Variants in NMT1 observed in about 807,000 individuals in gnomAD.
NMT1 encodes N-myristoyltransferase 1, also known as glycylpeptide N-tetradecanoyltransferase 1.
Under a neutral mutation model 63.4 loss-of-function variants are expected in NMT1, and 12 were observed. The observed-to-expected ratio is 0.19, with a 90% CI of 0.12 to 0.31. The LOEUF is 0.31. NMT1 is among the 10% of genes least tolerant of loss of function. The pLI is 1.00. For missense variants in NMT1, 432 were observed against 634.6 expected (o/e 0.68, Z 3.43); for synonymous variants, 228 against 234.3 (o/e 0.97, Z 0.25).
chr17:45,063,143 T>G, intron 1 of NMT1, among the ~76,000 whole-genome samples: 1 of 145,300 alleles, frequency 6.9e-6, no homozygotes, highest in South Asian at 2.1e-4. Flanking sequence ...AGGCAGAGCT[T>G]GCAGTGAGCT....
At chr17:45,062,293 T>G (rs2053868928) in intron 1 of NMT1, among the ~76,000 whole-genome samples, 1 of 152,238 alleles carries the variant, frequency 6.6e-6, no homozygotes, top group Non-Finnish European at 1.5e-5. Flanking sequence ...TTTACTTCTG[T>G]AAGCCACAGC....
intron 1 of NMT1, among the ~76,000 whole-genome samples, chr17:45,079,994 G>C (rs991494106): frequency 6.6e-6 from 1 of 151,810 alleles, no homozygotes; most frequent in Non-Finnish European, 1.5e-5. Context: ...CACTGCGCCC[G>C]GCCACATGTT....
At chr17:45,067,890 G>A (rs1384094442) in intron 1 of NMT1, among the ~76,000 whole-genome samples, 1 of 152,218 alleles carries the variant, frequency 6.6e-6, no homozygotes, top group East Asian at 1.9e-4. Flanking sequence ...TCATGGCACA[G>A]CAGTTTTGCT....
Position 45,103,192 on chromosome 17 carries a change from C to G in NMT1, c.1164+71C>G. Reference sequence around the variant, plus strand: ...AGGCACCCCCCTGAGTGGCCGGGTTCCCAGGGCTCGAGTGTTGGCACCTTA... The same window carrying G: ...AGGCACCCCCCTGAGTGGCCGGGTTGCCAGGGCTCGAGTGTTGGCACCTTA... On this transcript the variant is annotated intron_variant, in intron 9 of 11. Coordinates refer to ENST00000258960, the MANE Select transcript of NMT1 (RefSeq NM_021079.5). This position sits in a 1 kb window ranked among gnomAD's most constrained non-coding sequence, Gnocchi z 4.8. 1 of 1,476,032 alleles carries G rather than the reference C, an allele frequency of 6.8e-7. No homozygotes were observed. The highest frequency in any genetic ancestry group is 9.3e-7 in the Non-Finnish European group (1 of 1,074,272). 91.4% of individuals were successfully genotyped at this position (1,476,032 alleles called of 1,614,324 possible).
intron 2 of NMT1, chr17:45,083,737 C>T (rs2106354): frequency 0.39 from 59,913 of 151,744 alleles, 12,457 homozygotes; most frequent in Non-Finnish European, 0.44. Context: ...CTCAGCCTCC[C>T]GAGTAGCCAG....
At chr17:45,070,213 T>A (rs1342668249) in intron 1 of NMT1, among the ~76,000 whole-genome samples, 6 of 152,134 alleles carry the variant, frequency 3.9e-5, no homozygotes, top group African/African-American at 1.4e-4. Context: ...TCCCTTTTTA[T>A]AACCTGCTGT....
intron 4 of NMT1, 50 bp downstream of exon 4, chr17:45,093,853 A>G (rs751211421): frequency 6.9e-7 from 1 of 1,446,366 alleles, no homozygotes; most frequent in Non-Finnish European, 9.7e-7. Context: ...CCACTTTCAC[A>G]GTAAGCCCTG....
intron 1 of NMT1, among the ~76,000 whole-genome samples, chr17:45,073,600 TTAC>T (rs2053957096): frequency 6.6e-6 from 1 of 152,220 alleles, no homozygotes; most frequent in South Asian, 2.1e-4. Flanking sequence ...ACTTTCCTCA[TTAC>T]TTCTAATGCT....
chr17:45,067,862 A>G (rs941062982), intron 1 of NMT1, among the ~76,000 whole-genome samples: 11 of 152,222 alleles, frequency 7.2e-5, no homozygotes, highest in Non-Finnish European at 1.6e-4. Context: ...ATGAGAGCCT[A>G]TTTCAGGGAC....
chr17:45,067,936 A>T (rs2053913290), intron 1 of NMT1, among the ~76,000 whole-genome samples: 1 of 152,212 alleles, frequency 6.6e-6, no homozygotes, highest in African/African-American at 2.4e-5. Context: ...TGCTCACGCT[A>T]AAATTCCCCA....
chr17:45,093,066 G>A (rs1223091937), intron 3 of NMT1, among the ~76,000 whole-genome samples: 1 of 152,224 alleles, frequency 6.6e-6, no homozygotes, highest in Non-Finnish European at 1.5e-5. Context: ...TCAGGGAGGG[G>A]ATGTTGTGTC....
intron 1 of NMT1, among the ~76,000 whole-genome samples, chr17:45,065,296 A>G (rs41484746): frequency 0.064 from 9,674 of 152,112 alleles, 385 homozygotes; most frequent in Middle Eastern, 0.099. Context: ...TCCCCAAATA[A>G]TTCTCATTGT....
At position 45,069,826 on chromosome 17, in the gene NMT1, G is replaced by A. The variant is rs570432850; in HGVS notation, c.131+8366G>A. ...TGATAGACAAATATTATTTTCAGAAGTCATTCTAATCGCACCACTGCACTC... is the reference window on the plus strand; with the variant it reads ...TGATAGACAAATATTATTTTCAGAAATCATTCTAATCGCACCACTGCACTC... On this transcript the variant is annotated intron_variant, in intron 1 of 11. Transcript: ENST00000258960. Among the ~76,000 whole-genome samples, 468 of 150,074 alleles carry A rather than the reference G, an allele frequency of 3.1e-3. 2 individuals carry two copies. The highest frequency in any genetic ancestry group is 0.014 in the Middle Eastern group (4 of 290).
At chr17:45,079,746 C>T (rs532554384) in intron 1 of NMT1, among the ~76,000 whole-genome samples, 1 of 152,300 alleles carries the variant, frequency 6.6e-6, no homozygotes, top group Admixed American at 6.5e-5. Flanking sequence ...GTCGCCCAGG[C>T]TGGAGTGCAG....
At chr17:45,070,055 C>T (rs774400527) in intron 1 of NMT1, among the ~76,000 whole-genome samples, 1 of 152,092 alleles carries the variant, frequency 6.6e-6, no homozygotes, top group African/African-American at 2.4e-5. Flanking sequence ...TGTCTCATTC[C>T]GGTTTTAAGG....
chr17:45,096,106 C>G, intron 4 of NMT1, 88 bp from the exon 5 acceptor site: 1 of 961,850 alleles, frequency 1.0e-6, no homozygotes, highest in Admixed American at 1.9e-5. Context: ...TTTGCTTCAT[C>G]CTTCTGAAAA....
rs1406322662 is a variant in NMT1, at chr17:45,107,247, A to G, written c.*1608A>G. On this transcript the variant is annotated 3_prime_UTR_variant, in exon 12 of 12. Transcript: ENST00000258960. ...AGAGGCTAATTCTGCAGAGTTTCCAAAACCAGAAGACATCGTATGCTTGGG... is the reference window on the plus strand; with the variant it reads ...AGAGGCTAATTCTGCAGAGTTTCCAGAACCAGAAGACATCGTATGCTTGGG... The G allele has an allele frequency of 6.6e-6, 1 of 152,218 alleles. No homozygotes were observed. The highest frequency in any genetic ancestry group is 1.5e-5 in the Non-Finnish European group (1 of 68,036). 9.4% of individuals were successfully genotyped at this position (152,218 alleles called of 1,614,324 possible).
rs1047770564 is a variant in NMT1, at chr17:45,108,803, A to G, written c.*3164A>G. The G allele has an allele frequency of 1.3e-5, 2 of 152,316 alleles. No homozygotes were observed. Among genetic ancestry groups the G allele is most frequent in the Admixed American group, 1.3e-4 (2 of 15,282 alleles). The allele number at this position is 152,316 out of a possible 1,614,324, so 9.4% of individuals were successfully genotyped here. ...TACACCTACGGAGGCTGTTGAGGAC[A>G]ATTTCATTCCATTAAATTAAAAAAT... On this transcript the variant is annotated 3_prime_UTR_variant, in exon 12 of 12. Transcript: ENST00000258960.
In NMT1 at chr17:45,082,091, C is replaced by T. The variant is rs150989878; in HGVS notation, c.240+339C>T. On this transcript the variant is annotated intron_variant, in intron 2 of 11. Transcript: ENST00000258960. ...AGTGGTTCTCTGTCTTAAGTCCCCA[C>T]CGCTCTGACAATGAAAGGCCCCCCC... Among the ~76,000 whole-genome samples, 34 of 152,256 alleles carry T rather than the reference C, an allele frequency of 2.2e-4. No individual in the cohort carries two copies. The East Asian group carries it at 6.4e-3, about 29-fold the overall frequency.
Sources: gnomAD v4.1 joint callset for allele counts (sites outside exome capture counted in the v4.1 genomes callset) on GRCh38, gnomAD v4.1.1 for gene constraint, Gnocchi (gnomAD v3.1) non-coding constraint, MANE v1.5 for transcripts, NCBI Gene and HGNC (gene_info 2026-07-23, HGNC 2026-07-21) for gene names.